Variants in NTM observed in about 807,000 individuals in gnomAD.
NTM encodes neurotrimin, also known as IgLON family member 2.
A neutral mutation model predicts 42.1 loss-of-function variants in NTM; 13 were observed. The ratio of observed to expected loss-of-function variants is 0.31; its 90% confidence interval spans 0.20 to 0.49. The LOEUF (loss-of-function observed/expected upper bound fraction) is 0.49. Ranked by LOEUF, NTM falls within the 20% of genes least tolerant of loss-of-function variation. The pLI is 0.99. For missense variants in NTM, 373 were observed against 452.8 expected (o/e 0.82, Z 1.60); for synonymous variants, 187 against 179.2 (o/e 1.04, Z -0.35).
At chr11:131,666,184 CTGAG>C (rs892672416) in intron 1 of NTM, among the ~76,000 whole-genome samples, 1 of 152,164 alleles carries the variant, frequency 6.6e-6, no homozygotes, top group Non-Finnish European at 1.5e-5. Flanking sequence ...GGTCAAGTGA[CTGAG>C]TGAGGCCAGC....
chr11:131,705,846 A>C (rs2135235166), intron 1 of NTM, among the ~76,000 whole-genome samples: 1 of 152,232 alleles, frequency 6.6e-6, no homozygotes, highest in African/African-American at 2.4e-5. Flanking sequence ...TGTGTGAGAT[A>C]CACGAAAGAG....
At chr11:131,740,102 A>G (rs2080992978) in intron 1 of NTM, among the ~76,000 whole-genome samples, 1 of 152,190 alleles carries the variant, frequency 6.6e-6, no homozygotes, top group Non-Finnish European at 1.5e-5. Flanking sequence ...TCTTATTTAC[A>G]ATACTGGGAT....
chr11:131,425,383 A>G (rs899232434), intron 1 of NTM, among the ~76,000 whole-genome samples: 2 of 152,146 alleles, frequency 1.3e-5, no homozygotes, highest in Non-Finnish European at 2.9e-5. Context: ...AGGTGCCTCA[A>G]TCAATAGCAG....
chr11:131,485,761 C>CT (rs1193749200), intron 1 of NTM, among the ~76,000 whole-genome samples: 2 of 152,304 alleles, frequency 1.3e-5, no homozygotes, highest in African/African-American at 4.8e-5. Context: ...TTATGCTTGT[C>CT]TGTATGTGCC....
At chr11:131,930,889 C>G (rs959967344) in intron 2 of NTM, among the ~76,000 whole-genome samples, 6 of 152,212 alleles carry the variant, frequency 3.9e-5, no homozygotes, top group African/African-American at 7.2e-5. Context: ...AGAGCTCTAA[C>G]TCAGTCATTT....
intron 2 of NTM, among the ~76,000 whole-genome samples, chr11:132,134,379 G>A (rs895074179): frequency 7.3e-5 from 11 of 151,716 alleles, no homozygotes; most frequent in Non-Finnish European, 2.9e-5. Flanking sequence ...ATTTGGTTAC[G>A]TGAATAAGTT....
intron 2 of NTM, among the ~76,000 whole-genome samples, chr11:131,916,567 G>C (rs1015472058): frequency 3.3e-5 from 5 of 152,170 alleles, no homozygotes; most frequent in Middle Eastern, 3.2e-3. Flanking sequence ...ATGTGGTTTT[G>C]ATACTTGAGA....
chr11:132,004,754 T>G (rs1156342545), intron 2 of NTM, among the ~76,000 whole-genome samples: 3 of 151,944 alleles, frequency 2.0e-5, no homozygotes, highest in African/African-American at 7.3e-5. Context: ...GCTTCTGATG[T>G]TCATGGTACC....
chr11:132,046,879 C>A (rs966539832), intron 2 of NTM, among the ~76,000 whole-genome samples: 1 of 152,146 alleles, frequency 6.6e-6, no homozygotes, highest in Non-Finnish European at 1.5e-5. Flanking sequence ...ATTTATAAAT[C>A]ATCAATCTAT....
At chr11:132,153,366 A>G (rs1352958037) in intron 3 of NTM, among the ~76,000 whole-genome samples, 2 of 152,214 alleles carry the variant, frequency 1.3e-5, no homozygotes, top group Admixed American at 6.5e-5. Flanking sequence ...GATTTATTCA[A>G]GCTGCACTTG....
chr11:132,016,162 T>C (rs934500481), intron 2 of NTM, among the ~76,000 whole-genome samples: 14 of 151,868 alleles, frequency 9.2e-5, no homozygotes, highest in African/African-American at 3.4e-4. Flanking sequence ...ATTATTGAAA[T>C]GATCATATGG....
intron 2 of NTM, among the ~76,000 whole-genome samples, chr11:131,920,802 G>A (rs1266293635): frequency 3.3e-5 from 5 of 152,046 alleles, no homozygotes; most frequent in Non-Finnish European, 1.5e-5. Context: ...CAGACTGATG[G>A]AAAATTAAAA....
intron 1 of NTM, among the ~76,000 whole-genome samples, chr11:131,701,781 T>C (rs545936130): frequency 2.2e-4 from 34 of 152,136 alleles, no homozygotes; most frequent in African/African-American, 7.9e-4. Context: ...CTGTCTCTAC[T>C]CCATCAGATG....
chr11:132,151,454 C>G (rs979050716), intron 3 of NTM, among the ~76,000 whole-genome samples: 3 of 152,198 alleles, frequency 2.0e-5, no homozygotes, highest in Non-Finnish European at 4.4e-5. Context: ...CAGGAATTCA[C>G]TCTCACTTAG....
chr11:131,989,725 A>G (rs1001174452), intron 2 of NTM, among the ~76,000 whole-genome samples: 2 of 151,812 alleles, frequency 1.3e-5, no homozygotes, highest in Non-Finnish European at 2.9e-5. Flanking sequence ...ATGCACACAC[A>G]CACACACACA....
At chr11:131,463,392 C>T (rs1400970100) in intron 1 of NTM, among the ~76,000 whole-genome samples, 1 of 152,216 alleles carries the variant, frequency 6.6e-6, no homozygotes, top group Non-Finnish European at 1.5e-5. Context: ...CAGTGCGTGA[C>T]CTGGGCACAG....
chr11:131,733,249 T>C (rs2079924497), intron 1 of NTM, among the ~76,000 whole-genome samples: 2 of 152,164 alleles, frequency 1.3e-5, no homozygotes, highest in South Asian at 4.1e-4. Flanking sequence ...AGAATGTTGA[T>C]ATCCTTTTCA....
chr11:131,437,102 G>A (rs1306352339), intron 1 of NTM, among the ~76,000 whole-genome samples: 1 of 152,202 alleles, frequency 6.6e-6, no homozygotes, highest in African/African-American at 2.4e-5. Flanking sequence ...TTTTGAGTGA[G>A]TTTCTGAATC....
chr11:131,646,818 A>G (rs183056175), intron 1 of NTM, among the ~76,000 whole-genome samples: 14 of 152,266 alleles, frequency 9.2e-5, no homozygotes, highest in Admixed American at 2.0e-4. Flanking sequence ...ATTTTAACCT[A>G]CTATTCCCAG....
Sources: gnomAD v4.1 joint callset for allele counts (sites outside exome capture counted in the v4.1 genomes callset) on GRCh38, gnomAD v4.1.1 for gene constraint, MANE v1.5 for transcripts, NCBI Gene and HGNC (gene_info 2026-07-23, HGNC 2026-07-21) for gene names.